TBX1: variants seen among roughly 807,000 people sequenced by gnomAD.
TBX1 encodes the protein T-box transcription factor TBX1.
Under a neutral mutation model 40.8 loss-of-function variants are expected in TBX1, and 16 were observed. The observed-to-expected ratio is 0.39, with a 90% CI of 0.27 to 0.60. The LOEUF (loss-of-function observed/expected upper bound fraction) is 0.60, where lower values mean the gene tolerates loss of function less well. TBX1 is among the 20% of genes least tolerant of loss of function. The pLI is 0.51. For synonymous variants in TBX1, 403 were observed against 336.8 expected, an observed-to-expected ratio of 1.20 and a Z score of -2.15; for missense variants, 755 against 728.5, an observed-to-expected ratio of 1.04 and a Z score of -0.42.
At chr22:19,782,727 T>C (rs572033343), downstream of TBX1, among the ~76,000 whole-genome samples, 7 of 152,264 alleles carry the variant, frequency 4.6e-5, no homozygotes, top group East Asian at 1.4e-3. Flanking sequence ...CACCTACTGA[T>C]GGTGTGTGAG....
At chr22:19,765,660 C>T in intron 4 of TBX1, 98 bp from the exon 5 acceptor site, 3 of 1,372,344 alleles carry the variant, frequency 2.2e-6, no homozygotes, top group Non-Finnish European at 3.0e-6. Flanking sequence ...CAGAAAGGCC[C>T]TTGGTGCGCT....
At chr22:19,770,230 TC>T (rs1936966077), downstream of TBX1, among the ~76,000 whole-genome samples, 1 of 152,026 alleles carries the variant, frequency 6.6e-6, no homozygotes, top group African/African-American at 2.4e-5. Flanking sequence ...CCAAAAACTC[TC>T]CAAAAACAAC....
Position 19,766,124 on chromosome 22 carries a change from C to T in TBX1, c.1036+122C>T, listed in dbSNP as rs72646964. 3 of 906,128 alleles carry T rather than the reference C, an allele frequency of 3.3e-6. No homozygotes were observed. The African/African-American group carries it at 5.3e-5, about 16-fold the overall frequency. 56.1% of individuals were successfully genotyped at this position (906,128 alleles called of 1,614,324 possible). A position where few individuals can be genotyped will look rare whatever the true frequency, so the allele number is the denominator to read the frequency against. The stretch of plus-strand genomic sequence containing the variant: ...CCAGGCTTTCGCGCCGGTTGCACAA[C>T]GGCCGCGGCGGCGGGCAAGCGCGCA... On this transcript the variant is annotated intron_variant, in intron 6 of 6. Coordinates refer to ENST00000649276, the MANE Select transcript of TBX1 (RefSeq NM_001379200.1).
intron 8 of TBX1, among the ~76,000 whole-genome samples, chr22:19,775,216 C>T (rs1341030756): frequency 6.6e-6 from 1 of 152,136 alleles, no homozygotes; most frequent in Non-Finnish European, 1.5e-5. Flanking sequence ...GCCTCAGCCT[C>T]CCAAGTAGCT....
intron 8 of TBX1, among the ~76,000 whole-genome samples, chr22:19,773,863 C>T (rs925384418): frequency 7.2e-5 from 11 of 152,242 alleles, no homozygotes; most frequent in Non-Finnish European, 1.2e-4. Flanking sequence ...CCTGGCCCCT[C>T]GGCCCTCAGC....
In TBX1 at chr22:19,760,895, G is replaced by T; in HGVS notation, c.52G>T (p.Asp18Tyr). ...GCTCACGCAGCTCTCGCATTTCTGC[G>T]ACGTTGCAGCCTTCACGGCCAGCAG... ...PWLTQLSHFC[D>Y]VAAFTASSLS... Residue 18 changes from aspartate (D) to tyrosine (Y), a missense_variant, in exon 1 of 7, where the codon GAC (aspartate) becomes TAC (tyrosine). Transcript: ENST00000649276. The T allele has an allele frequency of 9.5e-7, 1 of 1,056,526 alleles. No homozygotes were observed. Among genetic ancestry groups the T allele is most frequent in the South Asian group, 2.6e-5 (1 of 39,146 alleles). 65.4% of individuals were successfully genotyped at this position (1,056,526 alleles called of 1,614,324 possible). A position where few individuals can be genotyped will look rare whatever the true frequency, so the allele number is the denominator to read the frequency against.
upstream of TBX1, among the ~76,000 whole-genome samples, chr22:19,757,061 C>A (rs967703933): frequency 6.6e-6 from 1 of 152,162 alleles, no homozygotes; most frequent in Non-Finnish European, 1.5e-5. Context: ...GGCTTCCGGG[C>A]CCCTTTAGCC....
In TBX1 at chr22:19,766,508, G is replaced by A. The variant is rs1302265372; in HGVS notation, c.1156G>A (p.Gly386Ser). 4 of 1,303,958 alleles carry A rather than the reference G, an allele frequency of 3.1e-6. No individual in the cohort carries two copies. Among genetic ancestry groups the A allele is most frequent in the Non-Finnish European group, 3.9e-6 (4 of 1,029,488 alleles). 80.8% of individuals were successfully genotyped at this position (1,303,958 alleles called of 1,614,324 possible). A position where few individuals can be genotyped will look rare whatever the true frequency, so the allele number is the denominator to read the frequency against. Residue 386 changes from glycine to serine, a missense_variant, in exon 7 of 7, where the codon GGC (glycine) becomes AGC (serine). Coordinates refer to ENST00000649276, the MANE Select transcript of TBX1 (RefSeq NM_001379200.1). ...RVLSPSLPGA[G>S]GAGGLVPLPG... is the part of the protein sequence containing the mutation. ...GCTAAGCCCCTCGCTGCCCGGGGCC[G>A]GCGGCGCCGGCGGCTTAGTCCCGCT...
Position 19,767,119 on chromosome 22 carries a change from T to A in TBX1, c.*252T>A. On this transcript the variant is annotated 3_prime_UTR_variant, in exon 7 of 7. Coordinates refer to ENST00000649276, the MANE Select transcript of TBX1 (RefSeq NM_001379200.1). The stretch of plus-strand genomic sequence containing the variant: ...TCCCCGGCCCCGAGGGCCAAGGGGG[T>A]CCCCGCCCGCCAGTGCCAAAGCGCC... 1 of 1,232,534 alleles carries A rather than the reference T, an allele frequency of 8.1e-7. No homozygotes were observed. Among genetic ancestry groups the A allele is most frequent in the Non-Finnish European group, 1.0e-6 (1 of 988,228 alleles). The allele number at this position is 1,232,534 out of a possible 1,614,324, so 76.3% of individuals were successfully genotyped here.
intron 8 of TBX1, among the ~76,000 whole-genome samples, chr22:19,773,579 A>G (rs1382665053): frequency 6.6e-6 from 1 of 152,172 alleles, no homozygotes; most frequent in Non-Finnish European, 1.5e-5. Context: ...CCCCTTCAGG[A>G]GAGCCCATGC....
rs758417980 is a variant in TBX1 at position 19,765,089 on chromosome 22, G to C, written c.843G>C (p.Ala281=). The C allele has an allele frequency of 1.2e-6, 2 of 1,614,196 alleles. No individual in the cohort carries two copies. The highest frequency in any genetic ancestry group is 1.7e-6 in the Non-Finnish European group (2 of 1,180,024). The part of the protein sequence containing the change: ...TFVFEETRFT[A]VTAYQNHRIT... ...TGTTCGAGGAGACACGATTCACCGC[G>C]GTCACTGCCTACCAGAACCATCGGG... Residue 281 remains alanine (A), a synonymous_variant, in exon 4 of 7, where the codon GCG becomes GCC. Transcript: ENST00000649276.
At chr22:19,765,183 C>T in intron 4 of TBX1, 70 bp downstream of exon 4, 2 of 1,608,356 alleles carry the variant, frequency 1.2e-6, no homozygotes, top group Non-Finnish European at 1.7e-6. Context: ...TTTCAGTTGC[C>T]GTTTGGGGAC....
Position 19,776,313 on chromosome 22 carries a change from G to T in TBX1, c.1010-2907G>T, listed in dbSNP as rs187989021. 3.3e-5 allele frequency among the ~76,000 whole-genome samples: 5 copies of T among 152,160 alleles called. No individual in the cohort carries two copies. In the South Asian group the frequency reaches 1.0e-3, roughly 31 times the overall value. On this transcript the variant is annotated intron_variant, in intron 8 of 8. Transcript: ENST00000329705. Reference sequence around the variant, plus strand: ...GATCCTAGCTCCTCAGGAGGAAGACGTGTGGCCCCTTGCTCCAGGAAGGCC... The same window carrying T: ...GATCCTAGCTCCTCAGGAGGAAGACTTGTGGCCCCTTGCTCCAGGAAGGCC...
upstream of TBX1, among the ~76,000 whole-genome samples, chr22:19,760,223 TTTA>T (rs1400537654): frequency 3.0e-3 from 382 of 129,284 alleles, 1 homozygote; most frequent in African/African-American, 9.1e-3. Context: ...TTTTTTTTTT[TTTA>T]AAAAGAAAAA....
At position 19,763,305 on chromosome 22, in the gene TBX1, C is replaced by G; in HGVS notation, c.502C>G (p.Leu168Val). The G allele has an allele frequency of 6.2e-7, 1 of 1,614,214 alleles. No individual in the cohort carries two copies. Among genetic ancestry groups the G allele is most frequent in the Non-Finnish European group, 8.5e-7 (1 of 1,180,022 alleles). Residue 168 changes from leucine to valine, a missense_variant, in exon 2 of 7, where the codon CTC becomes GTC. Physicochemically the swap from Leu to Val is conservative, Grantham distance 32 (BLOSUM62 1). Around this residue, in one of 3 missense-constraint regions of TBX1, gnomAD observed 144 missense variants for 238.0 expected, o/e 0.61. Transcript: ENST00000649276. ...GGATCCCATGGCCGACTATATGCTG[C>G]TCATGGACTTCGTGCCGGTGGACGA... is the stretch of plus-strand genomic sequence containing the variant. ...GMDPMADYML[L>V]MDFVPVDDKR...
downstream of TBX1, among the ~76,000 whole-genome samples, chr22:19,770,418 G>T (rs1208152209): frequency 2.0e-5 from 3 of 152,230 alleles, no homozygotes; most frequent in Non-Finnish European, 4.4e-5. Flanking sequence ...CCCCACGGCT[G>T]CCCTCTGCAG....
chr22:19,773,227 G>A (rs186200005), intron 8 of TBX1, among the ~76,000 whole-genome samples: 1 of 152,350 alleles, frequency 6.6e-6, no homozygotes, highest in East Asian at 1.9e-4. Context: ...GCAGCTGACC[G>A]ATCTGAAAGC....
At chr22:19,772,260 GC>G (rs764651782), downstream of TBX1, among the ~76,000 whole-genome samples, 2 of 151,726 alleles carry the variant, frequency 1.3e-5, no homozygotes, top group Non-Finnish European at 2.9e-5. Context: ...CCGCCACCAC[GC>G]CCGGCTAATT....
chr22:19,759,613 G>T (rs778719877), upstream of TBX1: 7 of 1,610,892 alleles, frequency 4.3e-6, no homozygotes, highest in South Asian at 7.7e-5. Flanking sequence ...ACCGGGTGAA[G>T]CTTCGCTGGC....
Sources: allele counts gnomAD v4.1 joint callset (sites outside exome capture counted in the v4.1 genomes callset), GRCh38; gene constraint gnomAD v4.1.1; regional missense constraint gnomAD v4.1.1; transcripts MANE v1.5; gene names NCBI Gene and HGNC (gene_info 2026-07-23, HGNC 2026-07-21).